ZNF638: variants seen among roughly 807,000 people sequenced by gnomAD.
The protein encoded by ZNF638 is CTCL tumor antigen se33-1.
In ZNF638, 46 loss-of-function variants were observed where a neutral mutation model predicts 195.6. The observed-to-expected ratio is 0.24, with a 90% CI of 0.19 to 0.30. The LOEUF (loss-of-function observed/expected upper bound fraction) is 0.30. ZNF638 is among the 10% of genes least tolerant of loss of function. The pLI is 1.00. For synonymous variants in ZNF638, 845 were observed against 772.0 expected, an observed-to-expected ratio of 1.09 and a Z score of -1.57; for missense variants, 2,440 against 2,325.3, an observed-to-expected ratio of 1.05 and a Z score of -1.01.
chr2:71,402,334 A>T (rs2080023402), intron 16 of ZNF638, among the ~76,000 whole-genome samples: 1 of 152,152 alleles, frequency 6.6e-6, no homozygotes, highest in South Asian at 2.1e-4. Context: ...TTTTAGTTTA[A>T]TAGGAAACGT....
intron 3 of ZNF638, among the ~76,000 whole-genome samples, chr2:71,357,525 T>G (rs746739098): frequency 6.6e-6 from 1 of 152,214 alleles, no homozygotes; most frequent in African/African-American, 2.4e-5. Context: ...GTCTTAATTC[T>G]TATGAAGGTG....
intron 3 of ZNF638, among the ~76,000 whole-genome samples, chr2:71,361,021 T>C (rs1284359390): frequency 6.6e-6 from 1 of 152,136 alleles, no homozygotes; most frequent in Non-Finnish European, 1.5e-5. Context: ...ATATTATTTA[T>C]TGCTATCTCA....
At chr2:71,366,338 C>T (rs2079199349) in intron 6 of ZNF638, among the ~76,000 whole-genome samples, 1 of 149,818 alleles carries the variant, frequency 6.7e-6, no homozygotes, top group Non-Finnish European at 1.5e-5. Flanking sequence ...CCAGCCTGAA[C>T]TACAGAAGGA....
chr2:71,349,898 T>C lies in ZNF638; in HGVS notation c.944T>C (p.Ile315Thr). Residue 315 changes from isoleucine (I) to threonine (T), a missense_variant, in exon 2 of 28, where the codon ATT becomes ACT. Transcript: ENST00000264447. ...CCCATAAAATCCGTCAACCAATCCA[T>C]TAACCAAACAGTTAGCCAGACAATG... ...LEPIKSVNQS[I>T]NQTVSQTMSQ... 1 of 1,614,200 alleles carries C rather than the reference T, an allele frequency of 6.2e-7. No individual in the cohort carries two copies. Among genetic ancestry groups the C allele is most frequent in the Non-Finnish European group, 8.5e-7 (1 of 1,180,042 alleles).
chr2:71,348,791 A>C lies in ZNF638; in HGVS notation c.-164A>C. ...TTGGAAAATTTCGCACCACTTGTGA[A>C]TTCCTTGAACCTGGGCATTGCAAAC... On this transcript the variant is annotated 5_prime_UTR_variant, in exon 2 of 28. Transcript: ENST00000264447. 1.3e-6 allele frequency: 2 copies of C among 1,562,478 alleles called. No individual in the cohort carries two copies. The highest frequency in any genetic ancestry group is 4.6e-5 in the East Asian group (2 of 43,280).
chr2:71,365,658 G>T lies in ZNF638; in HGVS notation c.1947G>T (p.Leu649Phe). Residue 649 changes from leucine to phenylalanine, a missense_variant, in exon 6 of 28, where the codon TTG becomes TTT. Leu to Phe is a conservative substitution (Grantham distance 22). Around this residue, in one of 5 missense-constraint regions of ZNF638, gnomAD observed 1,883 missense variants for 1,739.1 expected, o/e 1.08. Coordinates refer to ENST00000264447, the MANE Select transcript of ZNF638 (RefSeq NM_014497.5). Reference protein sequence around the residue: ...CKSKNLEDDTLSECKQVSDKA... With the variant: ...CKSKNLEDDTFSECKQVSDKA... The stretch of plus-strand genomic sequence containing the variant: ...CAAAGAATCTTGAAGATGACACTTT[G>T]TCAGAATGTAAACAGGTGTCTGATA... The T allele has an allele frequency of 6.2e-7, 1 of 1,614,076 alleles. No homozygotes were observed. Among genetic ancestry groups the T allele is most frequent in the Non-Finnish European group, 8.5e-7 (1 of 1,179,948 alleles).
In ZNF638 at chr2:71,428,659, A is replaced by C. The variant is rs1227889974; in HGVS notation, c.5650+8A>C. The C allele has an allele frequency of 6.2e-7, 1 of 1,609,010 alleles. No individual in the cohort carries two copies. On this transcript the variant is annotated splice_region_variant and intron_variant, in intron 25 of 27. Transcript: ENST00000264447. ...CCTTCCAGATGAGTGAAGGTAAAGCAGGATTGTTGGAATGGGAAGGAAAGT... is the reference window on the plus strand; with the variant it reads ...CCTTCCAGATGAGTGAAGGTAAAGCCGGATTGTTGGAATGGGAAGGAAAGT...
chr2:71,428,444 T>C (rs1449348219), intron 24 of ZNF638, 103 bp from the exon 25 acceptor site: 3 of 981,222 alleles, frequency 3.1e-6, no homozygotes, highest in Non-Finnish European at 4.4e-6. Flanking sequence ...TTGGGTATTT[T>C]TTGCAAAAAT....
At position 71,388,825 on chromosome 2, in the gene ZNF638, T is replaced by C. The variant is rs554578417; in HGVS notation, c.2378-7316T>C. Reference sequence around the variant, plus strand: ...CTGTCCGCACAACAGAAACAGTATATAAAAGTATTGAAACAACTGCTTAAA... The same window carrying C: ...CTGTCCGCACAACAGAAACAGTATACAAAAGTATTGAAACAACTGCTTAAA... On this transcript the variant is annotated intron_variant, in intron 10 of 27. Coordinates refer to ENST00000264447, the MANE Select transcript of ZNF638 (RefSeq NM_014497.5). The C allele has an allele frequency of 5.5e-6, 4 of 732,210 alleles. No individual in the cohort carries two copies. In the East Asian group the frequency reaches 1.1e-4, roughly 20 times the overall value. 45.4% of individuals were successfully genotyped at this position (732,210 alleles called of 1,614,324 possible). A position where few individuals can be genotyped will look rare whatever the true frequency, so the allele number is the denominator to read the frequency against.
rs144901794 is a variant in ZNF638 at position 71,373,003 on chromosome 2, T to A, written c.2265+2998T>A. ...TTCACAGGCCATCTTTTGACATTTA[T>A]GATAGTGGTTTTTTAGGTGATACCT... is the stretch of plus-strand genomic sequence containing the variant. On this transcript the variant is annotated intron_variant, in intron 8 of 27. Coordinates refer to ENST00000264447, the MANE Select transcript of ZNF638 (RefSeq NM_014497.5). Among the ~76,000 whole-genome samples, 67 of 152,332 alleles carry A rather than the reference T, an allele frequency of 4.4e-4. No homozygotes were observed. In the East Asian group the frequency reaches 9.6e-3, roughly 22 times the overall value.
In ZNF638 at chr2:71,364,083, T is replaced by C; in HGVS notation, c.1548T>C (p.Tyr516=). Reference sequence around the variant, plus strand: ...CTCGAAGCCCAATGCATTACATGTATAGGCCGAGAAGTCGAAGTCCAAGAA... The same window carrying C: ...CTCGAAGCCCAATGCATTACATGTACAGGCCGAGAAGTCGAAGTCCAAGAA... ...RRSRSPMHYM[Y]RPRSRSPRIC... The change falls in exon 5 of 28, where the codon TAT becomes TAC. Residue 516 remains tyrosine (Y), a synonymous_variant. Coordinates refer to ENST00000264447, the MANE Select transcript of ZNF638 (RefSeq NM_014497.5). 1 of 1,614,178 alleles carries C rather than the reference T, an allele frequency of 6.2e-7. No homozygotes were observed. Among genetic ancestry groups the C allele is most frequent in the Non-Finnish European group, 8.5e-7 (1 of 1,180,034 alleles).
chr2:71,428,716 A>C, intron 25 of ZNF638, 65 bp downstream of exon 25: 1 of 1,383,050 alleles, frequency 7.2e-7, no homozygotes, highest in Non-Finnish European at 1.0e-6. Flanking sequence ...TGAAGTTTAA[A>C]GATCTATCTA....
chr2:71,406,595 G>T (rs1264561217), intron 19 of ZNF638, among the ~76,000 whole-genome samples: 1 of 152,114 alleles, frequency 6.6e-6, no homozygotes, highest in Non-Finnish European at 1.5e-5. Context: ...GGCTAAGTTG[G>T]TTTACACTTA....
chr2:71,395,480 C>G (rs111582481), intron 10 of ZNF638: 6 of 607,402 alleles, frequency 9.9e-6, no homozygotes, highest in Non-Finnish European at 1.5e-5. Flanking sequence ...AATTCTCTTA[C>G]CCTGACGCTA....
In ZNF638 at chr2:71,426,418, C is replaced by G. The variant is rs1350935098; in HGVS notation, c.4591-42C>G. ...GACTATTTGGAATCTAGCCAGTGGT[C>G]AAAATTTGTTTACAATACTATGATT... On this transcript the variant is annotated intron_variant, in intron 23 of 27. Coordinates refer to ENST00000264447, the MANE Select transcript of ZNF638 (RefSeq NM_014497.5). The G allele has an allele frequency of 4.1e-6, 6 of 1,447,036 alleles. No individual in the cohort carries two copies. The African/African-American group carries it at 8.5e-5, about 21-fold the overall frequency. The allele number at this position is 1,447,036 out of a possible 1,614,324, so 89.6% of individuals were successfully genotyped here. A position where few individuals can be genotyped will look rare whatever the true frequency, so the allele number is the denominator to read the frequency against.
intron 6 of ZNF638, among the ~76,000 whole-genome samples, 190 bp downstream of exon 6, chr2:71,365,896 T>G (rs1427066380): frequency 6.6e-6 from 1 of 152,126 alleles, no homozygotes; most frequent in Admixed American, 6.5e-5. Context: ...ATTTTTTAAT[T>G]TTTGTAGAGA....
chr2:71,401,837 C>T (rs1463558757), intron 15 of ZNF638, 119 bp from the exon 16 acceptor site: 13 of 889,380 alleles, frequency 1.5e-5, no homozygotes, highest in African/African-American at 1.0e-4. Context: ...TTGAGTTTAT[C>T]AGACTTTCCT....
chr2:71,390,896 G>A (rs12328902), intron 10 of ZNF638, among the ~76,000 whole-genome samples: 39,939 of 152,060 alleles, frequency 0.26, 6,900 homozygotes, highest in African/African-American at 0.49. Context: ...AAACATGACT[G>A]TCCCTGTTAA....
intron 1 of ZNF638, among the ~76,000 whole-genome samples, chr2:71,335,866 A>G (rs1430904166): frequency 6.6e-6 from 1 of 152,176 alleles, no homozygotes. Context: ...ACCCCCATGC[A>G]TATGTGGTAA....
Sources: gnomAD v4.1 joint callset for allele counts (sites outside exome capture counted in the v4.1 genomes callset) on GRCh38, gnomAD v4.1.1 for gene constraint, gnomAD v4.1.1 regional missense constraint, MANE v1.5 for transcripts, NCBI Gene and HGNC (gene_info 2026-07-23, HGNC 2026-07-21) for gene names.